ARHGAP22: variants seen among roughly 807,000 people sequenced by gnomAD.
ARHGAP22 encodes Rho GTPase activating protein 22, also known as rho GTPase-activating protein 22.
Under a neutral mutation model 59.1 loss-of-function variants are expected in ARHGAP22, and 48 were observed. The ratio of observed to expected loss-of-function variants is 0.81; its 90% CI spans 0.64 to 1.03. The LOEUF (loss-of-function observed/expected upper bound fraction) is 1.03. Among genes scored for constraint, ARHGAP22 ranks in the 50% least tolerant of loss-of-function variants. The pLI, the probability that ARHGAP22 is intolerant of heterozygous loss-of-function variation, is 0.00. For synonymous variants in ARHGAP22, 445 were observed against 416.4 expected, an observed-to-expected ratio of 1.07 and a Z score of -0.84; for missense variants, 1,015 against 958.7, an observed-to-expected ratio of 1.06 and a Z score of -0.78.
At chr10:48,569,241 C>T (rs1342021769) in intron 2 of ARHGAP22, among the ~76,000 whole-genome samples, 1 of 152,216 alleles carries the variant, frequency 6.6e-6, no homozygotes, top group Admixed American at 6.5e-5. Flanking sequence ...CCTGCCCTGG[C>T]TGTGCCAGGC....
chr10:48,481,076 TAC>T (rs2049267054), intron 3 of ARHGAP22, among the ~76,000 whole-genome samples: 1 of 152,196 alleles, frequency 6.6e-6, no homozygotes, highest in Non-Finnish European at 1.5e-5. Context: ...AGCCCTTCAC[TAC>T]GCAGATAAGC....
Position 48,450,244 on chromosome 10 carries a change from A to AC in ARHGAP22, c.1868+16dup, listed in dbSNP as rs1200527840. 1 of 1,605,648 alleles carries AC rather than the reference A, an allele frequency of 6.2e-7. No homozygotes were observed. On this transcript the variant is annotated intron_variant, in intron 9 of 9. Transcript: ENST00000249601. ...GCTCCGCCCCGTCACAGGAGGCTCC[A>AC]CGGGGCAGCAAGTTACCTTTTCACA... is the stretch of plus-strand genomic sequence containing the variant.
chr10:48,535,844 G>GA (rs937357024), intron 3 of ARHGAP22, among the ~76,000 whole-genome samples: 1 of 152,274 alleles, frequency 6.6e-6, no homozygotes, highest in Admixed American at 6.5e-5. Context: ...GCTGTGATAT[G>GA]AAAAAAAGAG....
intron 1 of ARHGAP22, among the ~76,000 whole-genome samples, chr10:48,612,275 T>A (rs550623961): frequency 6.6e-6 from 1 of 152,322 alleles, no homozygotes; most frequent in East Asian, 1.9e-4. Flanking sequence ...TGGAATGGAA[T>A]TTGTTTTTTG....
At chr10:48,523,669 C>T (rs1384708003) in intron 3 of ARHGAP22, among the ~76,000 whole-genome samples, 3 of 151,842 alleles carry the variant, frequency 2.0e-5, no homozygotes, top group Non-Finnish European at 2.9e-5. Flanking sequence ...GGTGCAGAGA[C>T]CTGCGAGCGG....
chr10:48,456,646 T>C (rs2046543367), intron 5 of ARHGAP22, among the ~76,000 whole-genome samples: 1 of 152,140 alleles, frequency 6.6e-6, no homozygotes, highest in African/African-American at 2.4e-5. Flanking sequence ...TCCCCTTTTC[T>C]GCAGCTGGGG....
At chr10:48,478,543 T>C (rs758402073) in intron 4 of ARHGAP22, among the ~76,000 whole-genome samples, 12 of 152,056 alleles carry the variant, frequency 7.9e-5, no homozygotes, top group African/African-American at 1.2e-4. Flanking sequence ...TCAAACACCA[T>C]AGGGAGAAAG....
intron 8 of ARHGAP22, chr10:48,451,455 A>T: frequency 2.8e-6 from 2 of 702,722 alleles, no homozygotes; most frequent in Non-Finnish European, 2.6e-6. Flanking sequence ...CACGGTGAGC[A>T]GGTGGCAGGT....
chr10:48,526,903 T>C (rs2054376162), intron 3 of ARHGAP22, among the ~76,000 whole-genome samples: 1 of 152,258 alleles, frequency 6.6e-6, no homozygotes. Context: ...TTATTGCCTT[T>C]GGTTTCACAC....
chr10:48,458,657 CATT>C (rs1285408135), intron 5 of ARHGAP22, among the ~76,000 whole-genome samples: 2 of 152,148 alleles, frequency 1.3e-5, no homozygotes, highest in Non-Finnish European at 1.5e-5. Context: ...ACCCAGGTGA[CATT>C]ATTTGAAGCA....
chr10:48,479,863 A>G, intron 3 of ARHGAP22, 99 bp from the exon 4 acceptor site: 2 of 1,235,522 alleles, frequency 1.6e-6, no homozygotes, highest in Non-Finnish European at 2.2e-6. Flanking sequence ...GGATATTCCC[A>G]AAGTCCTTCC....
chr10:48,448,129 G>A (rs991000853), intron 9 of ARHGAP22, among the ~76,000 whole-genome samples: 6 of 152,108 alleles, frequency 3.9e-5, no homozygotes, highest in East Asian at 1.9e-4. Flanking sequence ...CTCACTCCAC[G>A]AAAAACCAGA....
intron 1 of ARHGAP22, among the ~76,000 whole-genome samples, chr10:48,620,763 G>C (rs1040318346): frequency 2.0e-5 from 3 of 152,206 alleles, no homozygotes; most frequent in Non-Finnish European, 4.4e-5. Context: ...GTGCAGAGTA[G>C]GGAGCCACCC....
chr10:48,558,616 C>A (rs552844013), intron 2 of ARHGAP22, among the ~76,000 whole-genome samples: 1 of 152,164 alleles, frequency 6.6e-6, no homozygotes, highest in African/African-American at 2.4e-5. Context: ...ATCTTCTTGC[C>A]TCGGCCTCCC....
chr10:48,627,586 C>T (rs375379149), intron 1 of ARHGAP22, among the ~76,000 whole-genome samples: 15 of 152,324 alleles, frequency 9.8e-5, no homozygotes, highest in African/African-American at 2.6e-4. Context: ...GGGAGAGAGC[C>T]GGCGCTCCAC....
At chr10:48,627,314 G>T (rs1383952600) in intron 1 of ARHGAP22, among the ~76,000 whole-genome samples, 2 of 152,222 alleles carry the variant, frequency 1.3e-5, no homozygotes, top group East Asian at 3.8e-4. Context: ...AGTGTGGATG[G>T]CCTGGGCACC....
chr10:48,593,877 G>A (rs910106652), intron 1 of ARHGAP22, among the ~76,000 whole-genome samples: 1 of 152,210 alleles, frequency 6.6e-6, no homozygotes, highest in African/African-American at 2.4e-5. Context: ...TTTGTACACA[G>A]TTAGGTCTGG....
intron 3 of ARHGAP22, among the ~76,000 whole-genome samples, chr10:48,545,644 C>T (rs2056367416): frequency 6.6e-6 from 1 of 152,192 alleles, no homozygotes; most frequent in African/African-American, 2.4e-5. Flanking sequence ...CTGGGCATGT[C>T]AGACACACAG....
chr10:48,566,146 T>C (rs2058035156), intron 2 of ARHGAP22, among the ~76,000 whole-genome samples: 1 of 152,194 alleles, frequency 6.6e-6, no homozygotes, highest in Non-Finnish European at 1.5e-5. Flanking sequence ...AGAAACAACT[T>C]CTGCAATTCT....
Sources: allele counts gnomAD v4.1 joint callset (sites outside exome capture counted in the v4.1 genomes callset), GRCh38; gene constraint gnomAD v4.1.1; transcripts MANE v1.5; gene names NCBI Gene and HGNC (gene_info 2026-07-23, HGNC 2026-07-21).